Variants in CSNK1G3 observed in about 807,000 individuals in gnomAD.
CSNK1G3 encodes the protein casein kinase I isoform gamma-3.
In CSNK1G3, 23 loss-of-function variants were observed where a neutral mutation model predicts 64.3. The observed-to-expected ratio is 0.36, with a 90% CI of 0.26 to 0.51. The LOEUF (loss-of-function observed/expected upper bound fraction) is 0.51. Ranked by LOEUF, CSNK1G3 falls within the 20% of genes least tolerant of loss-of-function variation. The probability of loss-of-function intolerance (pLI) is 0.96; values close to 1 mark genes in which losing one functional copy is unlikely to be tolerated. For synonymous variants in CSNK1G3, 158 were observed against 162.2 expected (o/e 0.97, Z 0.20); for missense variants, 357 against 510.5 (o/e 0.70, Z 2.90).
At position 123,574,539 on chromosome 5, in the gene CSNK1G3, G is replaced by A. The variant is rs553155126; in HGVS notation, c.438+998G>A. ...GTGCATATTAAAGATTGTTTTATAG[G>A]CTAGGTGTGGTGGCTTGTGCCTGTA... On this transcript the variant is annotated intron_variant, in intron 5 of 12. Transcript: ENST00000345990. Among the ~76,000 whole-genome samples, 6 of 152,238 alleles carry A rather than the reference G, an allele frequency of 3.9e-5. No homozygotes were observed. The East Asian group carries it at 1.2e-3, about 29-fold the overall frequency.
intron 1 of CSNK1G3, among the ~76,000 whole-genome samples, chr5:123,533,862 G>T (rs1780371485): frequency 6.6e-6 from 1 of 150,958 alleles, no homozygotes; most frequent in Non-Finnish European, 1.5e-5. Context: ...CATATTGTTA[G>T]CTTTCCTGAT....
At chr5:123,587,976 A>T in intron 6 of CSNK1G3, 92 bp from the exon 7 acceptor site, 1 of 792,246 alleles carries the variant, frequency 1.3e-6, no homozygotes, top group South Asian at 1.7e-5. Flanking sequence ...ACTTTTGGAA[A>T]TTAATTTATA....
At chr5:123,571,825 T>C (rs879894406) in intron 4 of CSNK1G3, among the ~76,000 whole-genome samples, 1 of 152,230 alleles carries the variant, frequency 6.6e-6, no homozygotes, top group African/African-American at 2.4e-5. Flanking sequence ...AGTTCATTTT[T>C]TCATGCTAAT....
intron 6 of CSNK1G3, among the ~76,000 whole-genome samples, chr5:123,584,483 C>T (rs936633041): frequency 6.6e-6 from 1 of 152,098 alleles, no homozygotes; most frequent in Admixed American, 6.5e-5. Flanking sequence ...TTAAACCAAA[C>T]CTACATTCCT....
chr5:123,576,238 G>A (rs1218738171), intron 6 of CSNK1G3, among the ~76,000 whole-genome samples: 3 of 151,956 alleles, frequency 2.0e-5, no homozygotes, highest in Non-Finnish European at 2.9e-5. Flanking sequence ...ACAGTTATGG[G>A]GATGCATTTA....
chr5:123,570,127 A>G (rs1787786022), intron 4 of CSNK1G3, among the ~76,000 whole-genome samples: 1 of 152,174 alleles, frequency 6.6e-6, no homozygotes, highest in Non-Finnish European at 1.5e-5. Context: ...GATATAGTAT[A>G]TGTCCAGTAA....
chr5:123,575,493 A>T (rs1788987532), intron 5 of CSNK1G3, among the ~76,000 whole-genome samples: 1 of 152,224 alleles, frequency 6.6e-6, no homozygotes, highest in African/African-American at 2.4e-5. Flanking sequence ...TATGAAAGGA[A>T]TTCATAAAAT....
chr5:123,572,223 C>T (rs1354879274), intron 4 of CSNK1G3, among the ~76,000 whole-genome samples: 1 of 151,972 alleles, frequency 6.6e-6, no homozygotes, highest in Non-Finnish European at 1.5e-5. Flanking sequence ...CATCTCCTTC[C>T]CTAGCTCTGT....
intron 4 of CSNK1G3, among the ~76,000 whole-genome samples, chr5:123,569,274 AAT>A (rs1787599333): frequency 6.6e-6 from 1 of 152,190 alleles, no homozygotes; most frequent in Non-Finnish European, 1.5e-5. Flanking sequence ...TATTCTCATC[AAT>A]GTTTTAACCC....
intron 1 of CSNK1G3, among the ~76,000 whole-genome samples, chr5:123,523,194 T>G (rs1778444316): frequency 6.6e-6 from 1 of 152,196 alleles, no homozygotes; most frequent in African/African-American, 2.4e-5. Flanking sequence ...GGTCTCTGTT[T>G]ATTCCCGCTC....
Position 123,545,091 on chromosome 5 carries a change from T to G in CSNK1G3, c.-247-326T>G, listed in dbSNP as rs557683496. Among the ~76,000 whole-genome samples, 4 of 152,284 alleles carry G rather than the reference T, an allele frequency of 2.6e-5. No individual in the cohort carries two copies. In the South Asian group the frequency reaches 8.3e-4, roughly 32 times the overall value. On this transcript the variant is annotated intron_variant, in intron 1 of 12. Transcript: ENST00000345990. ...AAAATCTTATGTTGACTTACTGGAA[T>G]TTTTTGAGTACTTTTTGTCTAATTG... is the stretch of plus-strand genomic sequence containing the variant.
chr5:123,610,673 T>G (rs1406130997), intron 12 of CSNK1G3, among the ~76,000 whole-genome samples: 1 of 152,204 alleles, frequency 6.6e-6, no homozygotes, highest in Non-Finnish European at 1.5e-5. Context: ...AAGTTCATCA[T>G]AAGTAGGACT....
At chr5:123,568,291 G>A (rs1350605709) in intron 4 of CSNK1G3, among the ~76,000 whole-genome samples, 3 of 152,136 alleles carry the variant, frequency 2.0e-5, no homozygotes, top group African/African-American at 7.2e-5. Flanking sequence ...CACCAGACGT[G>A]ACTATGACCT....
At chr5:123,610,712 T>C (rs1796172273) in intron 12 of CSNK1G3, among the ~76,000 whole-genome samples, 1 of 151,952 alleles carries the variant, frequency 6.6e-6, no homozygotes, top group South Asian at 2.1e-4. Flanking sequence ...AATTTTAGAG[T>C]AGAGATGTAG....
At chr5:123,524,668 A>G (rs914411262) in intron 1 of CSNK1G3, among the ~76,000 whole-genome samples, 9 of 152,162 alleles carry the variant, frequency 5.9e-5, no homozygotes, top group African/African-American at 2.2e-4. Context: ...ATATTCCTCA[A>G]GAAGAAAAAC....
chr5:123,593,285 G>A (rs1003054765), intron 10 of CSNK1G3, among the ~76,000 whole-genome samples: 3 of 151,688 alleles, frequency 2.0e-5, no homozygotes, highest in Middle Eastern at 3.2e-3. Flanking sequence ...AATTTGGGAT[G>A]TGAATATACA....
chr5:123,550,110 A>G (rs1039973208), intron 2 of CSNK1G3, among the ~76,000 whole-genome samples: 2 of 152,198 alleles, frequency 1.3e-5, no homozygotes, highest in Admixed American at 1.3e-4. Flanking sequence ...AACTGAAGCT[A>G]TTATAAAACT....
At chr5:123,518,546 C>T (rs1777564945) in intron 1 of CSNK1G3, among the ~76,000 whole-genome samples, 1 of 152,224 alleles carries the variant, frequency 6.6e-6, no homozygotes, top group Non-Finnish European at 1.5e-5. Flanking sequence ...ATCTCTCTCT[C>T]TCTTTCTGTC....
At chr5:123,542,056 C>T (rs1781755269) in intron 1 of CSNK1G3, among the ~76,000 whole-genome samples, 1 of 151,992 alleles carries the variant, frequency 6.6e-6, no homozygotes, top group African/African-American at 2.4e-5. Flanking sequence ...TGTGGAACCA[C>T]ATAATTCTTC....
Sources: gnomAD v4.1 joint callset for allele counts (sites outside exome capture counted in the v4.1 genomes callset) on GRCh38, gnomAD v4.1.1 for gene constraint, MANE v1.5 for transcripts, NCBI Gene and HGNC (gene_info 2026-07-23, HGNC 2026-07-21) for gene names.